RAD54L2: variants seen among roughly 807,000 people sequenced by gnomAD.
The protein encoded by RAD54L2 is RAD54 like 2, also known as helicase ARIP4.
In RAD54L2, 27 loss-of-function variants were observed where a neutral mutation model predicts 138.4. The observed-to-expected ratio is 0.20, with a 90% confidence interval of 0.14 to 0.27. The LOEUF (loss-of-function observed/expected upper bound fraction) is 0.27, where lower values mean the gene tolerates loss of function less well. Among genes scored for constraint, RAD54L2 ranks in the 10% least tolerant of loss-of-function variants. The pLI is 1.00. For synonymous variants in RAD54L2, 644 were observed against 723.2 expected (o/e 0.89, Z 1.76); for missense variants, 1,396 against 1,890.2 (o/e 0.74, Z 4.85).
intron 2 of RAD54L2, among the ~76,000 whole-genome samples, chr3:51,556,374 T>C (rs1348854757): frequency 1.3e-5 from 2 of 152,146 alleles, no homozygotes; most frequent in African/African-American, 4.8e-5. Flanking sequence ...CCCTGGCCCA[T>C]GCTATCCTCT....
intron 2 of RAD54L2, among the ~76,000 whole-genome samples, chr3:51,565,672 C>T (rs867543775): frequency 1.6e-4 from 24 of 152,172 alleles, no homozygotes; most frequent in Middle Eastern, 3.4e-3. Context: ...GGGGTTTCAC[C>T]GTGTTGGCCA....
rs138443279 is a variant in RAD54L2, at chr3:51,646,634, G to T, written c.3026+153G>T. Reference sequence around the variant, plus strand: ...CTAGGGTAGGTGTGAAAGCAGTTCAGTAGCCCTGGTGTTTTAAATGGTTCT... The same window carrying T: ...CTAGGGTAGGTGTGAAAGCAGTTCATTAGCCCTGGTGTTTTAAATGGTTCT... On this transcript the variant is annotated intron_variant, in intron 19 of 22. Transcript: ENST00000684192. Among the ~76,000 whole-genome samples, 92 of 152,346 alleles carry T rather than the reference G, an allele frequency of 6.0e-4. 1 individual carries two copies. The highest frequency in any genetic ancestry group is 1.6e-3 in the African/African-American group (65 of 41,582).
intron 2 of RAD54L2, among the ~76,000 whole-genome samples, chr3:51,547,137 A>C (rs1313971038): frequency 6.6e-6 from 1 of 152,144 alleles, no homozygotes; most frequent in African/African-American, 2.4e-5. Context: ...GCTTGACCCC[A>C]GGAGTTTAAG....
chr3:51,620,588 A>G (rs938406880), intron 3 of RAD54L2, among the ~76,000 whole-genome samples: 1 of 151,874 alleles, frequency 6.6e-6, no homozygotes, highest in African/African-American at 2.4e-5. Context: ...CCTTCATTGA[A>G]TGTAACGTAG....
intron 2 of RAD54L2, among the ~76,000 whole-genome samples, chr3:51,565,333 C>G (rs1699189930): frequency 6.7e-6 from 1 of 149,882 alleles, no homozygotes; most frequent in South Asian, 2.1e-4. Flanking sequence ...GAGGTAGAGG[C>G]TGCAGGCTGC....
At chr3:51,558,241 AT>A (rs909120967) in intron 2 of RAD54L2, among the ~76,000 whole-genome samples, 2 of 152,000 alleles carry the variant, frequency 1.3e-5, no homozygotes, top group African/African-American at 2.4e-5. Context: ...CTCAGCCCAA[AT>A]TTCTCCACCA....
At chr3:51,661,007 G>A (rs939330111) in intron 22 of RAD54L2, among the ~76,000 whole-genome samples, 2 of 152,040 alleles carry the variant, frequency 1.3e-5, no homozygotes, top group Non-Finnish European at 2.9e-5. Flanking sequence ...AGGCTGGAGT[G>A]CAGCAGTGCA....
chr3:51,551,775 A>T (rs1205504624), intron 2 of RAD54L2, among the ~76,000 whole-genome samples: 1 of 137,250 alleles, frequency 7.3e-6, no homozygotes, highest in Non-Finnish European at 1.6e-5. Flanking sequence ...TTTTTTTGAG[A>T]TGGAGTCTCG....
At chr3:51,590,332 C>A (rs1234983631) in intron 2 of RAD54L2, 35 bp from the exon 3 acceptor site, 1 of 1,400,674 alleles carries the variant, frequency 7.1e-7, no homozygotes, top group Non-Finnish European at 9.4e-7. Context: ...TAAGCAAAAC[C>A]CTTGGTGATT....
At chr3:51,653,528 A>T (rs981018875) in intron 19 of RAD54L2, among the ~76,000 whole-genome samples, 5 of 152,198 alleles carry the variant, frequency 3.3e-5, no homozygotes, top group African/African-American at 1.2e-4. Context: ...CTTGGAACCA[A>T]CCCAGATGTC....
At chr3:51,617,496 G>A (rs759514992) in intron 3 of RAD54L2, among the ~76,000 whole-genome samples, 2 of 152,120 alleles carry the variant, frequency 1.3e-5, no homozygotes, top group African/African-American at 4.8e-5. Flanking sequence ...CTATTTGTAT[G>A]TCTCTTTTTG....
At position 51,598,177 on chromosome 3, in the gene RAD54L2, G is replaced by GTGTA. The variant is rs374594036; in HGVS notation, c.139+7619_139+7620insGTAT. 6.6e-3 allele frequency among the ~76,000 whole-genome samples: 899 copies of GTGTA among 135,232 alleles called. 10 individuals are homozygous for GTGTA. The highest frequency in any genetic ancestry group is 0.013 in the South Asian group (56 of 4,204). 88.7% of individuals were successfully genotyped at this position (135,232 alleles called of 152,430 possible). ...TGTGTGTGTGTGTGTGTGTGTGTGTGTATATATATATATATATATATTTGG... is the reference window on the plus strand; with the variant it reads ...TGTGTGTGTGTGTGTGTGTGTGTGTGTGTATATATATATATATATATATATTTGG... On this transcript the variant is annotated intron_variant, in intron 3 of 22. Transcript: ENST00000684192.
chr3:51,666,734 C>T lies in RAD54L2; in HGVS notation c.*3314C>T, dbSNP rs1701919954. On this transcript the variant is annotated 3_prime_UTR_variant, in exon 23 of 23. Coordinates refer to ENST00000684192, the MANE Select transcript of RAD54L2 (RefSeq NM_015106.4). ...GAAGTCCACACCCCTTTGAGTTATGCTTTTTAGGCATCTATCTCATCATCT... is the reference window on the plus strand; with the variant it reads ...GAAGTCCACACCCCTTTGAGTTATGTTTTTTAGGCATCTATCTCATCATCT... The T allele has an allele frequency of 6.6e-6, 1 of 152,132 alleles. No individual in the cohort carries two copies. Among genetic ancestry groups the T allele is most frequent in the East Asian group, 1.9e-4 (1 of 5,196 alleles). 9.4% of individuals were successfully genotyped at this position (152,132 alleles called of 1,614,324 possible). A position where few individuals can be genotyped will look rare whatever the true frequency, so the allele number is the denominator to read the frequency against.
intron 3 of RAD54L2, among the ~76,000 whole-genome samples, chr3:51,618,680 A>T (rs1461681715): frequency 6.6e-6 from 1 of 152,214 alleles, no homozygotes; most frequent in Non-Finnish European, 1.5e-5. Context: ...AGACAATAAG[A>T]TCTTGGACTT....
At position 51,619,737 on chromosome 3, in the gene RAD54L2, T is replaced by C. The variant is rs557460209; in HGVS notation, c.140-7816T>C. ...CCTGAAACTTAGTGGCTTTAAACAA[T>C]ATTATTTCTCTTGGCTTCTGAAGGT... On this transcript the variant is annotated intron_variant, in intron 3 of 22. Coordinates refer to ENST00000684192, the MANE Select transcript of RAD54L2 (RefSeq NM_015106.4). 3.7e-4 allele frequency among the ~76,000 whole-genome samples: 57 copies of C among 152,302 alleles called. No homozygotes were observed. In the East Asian group the frequency reaches 0.01, roughly 28 times the overall value.
Position 51,616,419 on chromosome 3 carries a change from GT to G in RAD54L2, c.140-11125del, listed in dbSNP as rs531863007. Among the ~76,000 whole-genome samples the G allele has an allele frequency of 2.6e-5, 4 of 151,592 alleles. No homozygotes were observed. In the South Asian group the frequency reaches 6.2e-4, roughly 24 times the overall value. The stretch of plus-strand genomic sequence containing the variant: ...AAGCATAACTTTAGCAATATCGTAA[GT>G]TTTTTTTTAAAAAGTCAGCATTAAT... On this transcript the variant is annotated intron_variant, in intron 3 of 22. Coordinates refer to ENST00000684192, the MANE Select transcript of RAD54L2 (RefSeq NM_015106.4).
At chr3:51,650,662 T>G (rs1005830601) in intron 19 of RAD54L2, among the ~76,000 whole-genome samples, 2 of 152,160 alleles carry the variant, frequency 1.3e-5, no homozygotes, top group African/African-American at 2.4e-5. Context: ...ACATGAAAAC[T>G]GAACAACCTG....
chr3:51,570,366 A>G (rs1478106550), intron 2 of RAD54L2, among the ~76,000 whole-genome samples: 1 of 136,388 alleles, frequency 7.3e-6, no homozygotes, highest in Non-Finnish European at 1.6e-5. Context: ...CTGGTCTTGA[A>G]CTCCTGACCT....
At chr3:51,617,668 G>A (rs1373995894) in intron 3 of RAD54L2, among the ~76,000 whole-genome samples, 1 of 152,158 alleles carries the variant, frequency 6.6e-6, no homozygotes, top group Non-Finnish European at 1.5e-5. Flanking sequence ...TTGAGGCTAG[G>A]AGTTTAAGAT....
Sources: gnomAD v4.1 joint callset for allele counts (sites outside exome capture counted in the v4.1 genomes callset) on GRCh38, gnomAD v4.1.1 for gene constraint, MANE v1.5 for transcripts, NCBI Gene and HGNC (gene_info 2026-07-23, HGNC 2026-07-21) for gene names.